The following TAF11 variants were observed in gnomAD, a reference collection of about 807,000 sequenced individuals.
TAF11 encodes transcription initiation factor TFIID subunit 11.
In TAF11, 10 loss-of-function variants were observed where a neutral mutation model predicts 23.0. That is an observed-to-expected ratio of 0.43 (90% CI 0.27 to 0.74). The LOEUF (loss-of-function observed/expected upper bound fraction) is 0.74, where lower values mean the gene tolerates loss of function less well. Among genes scored for constraint, TAF11 ranks in the 30% least tolerant of loss-of-function variants. TAF11 has a pLI of 0.19. For missense variants in TAF11, 196 were observed against 261.7 expected, an observed-to-expected ratio of 0.75 and a Z score of 1.73; for synonymous variants, 85 against 95.8, an observed-to-expected ratio of 0.89 and a Z score of 0.66.
Position 34,877,527 on chromosome 6 carries a change from AT to A in TAF11, c.*1062del, listed in dbSNP as rs1766326174. The A allele has an allele frequency of 6.6e-6, 1 of 152,450 alleles. No homozygotes were observed. Among genetic ancestry groups the A allele is most frequent in the Non-Finnish European group, 1.5e-5 (1 of 68,020 alleles). The allele number at this position is 152,450 out of a possible 1,614,324, so 9.4% of individuals were successfully genotyped here. On this transcript the variant is annotated 3_prime_UTR_variant, in exon 5 of 5. Coordinates refer to ENST00000361288, the MANE Select transcript of TAF11 (RefSeq NM_005643.4). ...TATTAAACCATAATGATTGTTGTAT[AT>A]CCGTTGATAAGAATCTGAAATATAT...
At chr6:34,882,061 C>T (rs1039379633) in intron 2 of TAF11, among the ~76,000 whole-genome samples, 3 of 151,456 alleles carry the variant, frequency 2.0e-5, no homozygotes, top group African/African-American at 7.3e-5. Flanking sequence ...TGTTTTTGGC[C>T]AGGCACAGTG....
chr6:34,885,130 C>G (rs1259025774), intron 1 of TAF11, among the ~76,000 whole-genome samples: 1 of 150,592 alleles, frequency 6.6e-6, no homozygotes, highest in Non-Finnish European at 1.5e-5. Context: ...CAGACTCGCT[C>G]TGTTGCCCAG....
At chr6:34,885,202 G>C (rs1301628838) in intron 1 of TAF11, among the ~76,000 whole-genome samples, 1 of 151,970 alleles carries the variant, frequency 6.6e-6, no homozygotes, top group Non-Finnish European at 1.5e-5. Flanking sequence ...CAGGTAGCTA[G>C]ATCTGCAGGC....
intron 2 of TAF11, 48 bp downstream of exon 2, chr6:34,882,884 T>C: frequency 6.6e-7 from 1 of 1,522,072 alleles, no homozygotes. Flanking sequence ...TAAATTTGTG[T>C]GGTCAAGTGA....
intron 4 of TAF11, 80 bp from the exon 5 acceptor site, chr6:34,878,800 T>A: frequency 7.8e-7 from 1 of 1,277,200 alleles, no homozygotes; most frequent in Non-Finnish European, 1.1e-6. Flanking sequence ...CCTGTAATTC[T>A]TGTTAACTTT....
At chr6:34,882,773 G>A (rs528262559) in intron 2 of TAF11, among the ~76,000 whole-genome samples, 159 bp downstream of exon 2, 2 of 152,202 alleles carry the variant, frequency 1.3e-5, no homozygotes, top group African/African-American at 4.8e-5. Context: ...CTAAAGTGTT[G>A]GGATTACAGG....
rs115434816 is a variant in TAF11 at position 34,883,578 on chromosome 6, G to A, written c.172-498C>T. 3.5e-3 allele frequency among the ~76,000 whole-genome samples: 533 copies of A among 152,304 alleles called. 3 individuals are homozygous for A. The highest frequency in any genetic ancestry group is 7.3e-3 in the African/African-American group (303 of 41,564). On this transcript the variant is annotated intron_variant, in intron 1 of 4. Transcript: ENST00000361288. The stretch of plus-strand genomic sequence containing the variant: ...GGACTTTCAAGTGAGCTTCTCACAC[G>A]TAGTGCTCTTTTGTTCTTATTCTTC...
chr6:34,880,444 A>T lies in TAF11; in HGVS notation c.321-68T>A. 6.7e-7 allele frequency: 1 copy of T among 1,498,592 alleles called. No individual in the cohort carries two copies. Among genetic ancestry groups the T allele is most frequent in the Non-Finnish European group, 9.2e-7 (1 of 1,086,674 alleles). 92.8% of individuals were successfully genotyped at this position (1,498,592 alleles called of 1,614,324 possible). On this transcript the variant is annotated intron_variant, in intron 2 of 4. Transcript: ENST00000361288. The surrounding 1 kb of genome is among the most constrained non-coding windows in gnomAD (Gnocchi z 4.8). ...ATACTCAAGATATTATGAAGTCAAT[A>T]AAAGTTTCAGACAATTCAAAAACGA...
intron 1 of TAF11, 128 bp from the exon 2 acceptor site, chr6:34,883,208 T>C: frequency 3.4e-6 from 3 of 877,566 alleles, no homozygotes; most frequent in Non-Finnish European, 5.2e-6. Flanking sequence ...TTCTAGGCAC[T>C]GACTGTACCA....
chr6:34,879,511 T>C (rs1368753052), intron 4 of TAF11: 24 of 867,874 alleles, frequency 2.8e-5, no homozygotes, highest in Non-Finnish European at 3.0e-5. Context: ...TATCTCCTGC[T>C]CAAAAAAAAA....
At position 34,885,949 on chromosome 6, in the gene TAF11, G is replaced by A. The variant is rs544404953; in HGVS notation, c.171+1838C>T. 8.5e-5 allele frequency among the ~76,000 whole-genome samples: 13 copies of A among 152,264 alleles called. No individual in the cohort carries two copies. In the South Asian group the frequency reaches 2.7e-3, roughly 32 times the overall value. ...AGGCTGGGCAACTTGTGAAACTTGT[G>A]AAACCTCAGCTCTACTAAAAATACA... On this transcript the variant is annotated intron_variant, in intron 1 of 4. Coordinates refer to ENST00000361288, the MANE Select transcript of TAF11 (RefSeq NM_005643.4).
intron 2 of TAF11, among the ~76,000 whole-genome samples, chr6:34,881,167 T>C (rs1039779566): frequency 2.6e-5 from 4 of 152,192 alleles, no homozygotes; most frequent in South Asian, 2.1e-4. Flanking sequence ...CCAAAGATCC[T>C]CATCATAATG....
chr6:34,879,702 G>A (rs1001304935), intron 4 of TAF11: 1 of 985,208 alleles, frequency 1.0e-6, no homozygotes, highest in African/African-American at 1.7e-5. Context: ...AAAGTCCACT[G>A]CAGAAAATAC....
intron 4 of TAF11, 112 bp downstream of exon 4, chr6:34,879,855 C>G: frequency 2.0e-6 from 3 of 1,470,410 alleles, no homozygotes; most frequent in Non-Finnish European, 2.7e-6. Context: ...TGGTCAACTT[C>G]AAGTGCAAAT....
At chr6:34,879,852 C>T in intron 4 of TAF11, 115 bp downstream of exon 4, 1 of 1,466,270 alleles carries the variant, frequency 6.8e-7, no homozygotes, top group Non-Finnish European at 9.0e-7. Context: ...ACTTGGTCAA[C>T]TTCAAGTGCA....
chr6:34,885,794 A>G (rs924487250), intron 1 of TAF11, among the ~76,000 whole-genome samples: 2 of 151,816 alleles, frequency 1.3e-5, no homozygotes, highest in African/African-American at 4.8e-5. Flanking sequence ...GGGCAACATA[A>G]TAAGACCTTG....
intron 1 of TAF11, among the ~76,000 whole-genome samples, chr6:34,885,102 T>C (rs4646923): frequency 0.099 from 12,122 of 122,738 alleles, 670 homozygotes; most frequent in East Asian, 0.37. Context: ...TTTTGTTCTT[T>C]ATCTTTTTTT....
At chr6:34,887,400 T>C (rs1402536324) in intron 1 of TAF11, among the ~76,000 whole-genome samples, 1 of 152,150 alleles carries the variant, frequency 6.6e-6, no homozygotes, top group Admixed American at 6.5e-5. Context: ...AGACAAAAGT[T>C]GTCTTAACAT....
At chr6:34,879,350 C>A (rs868187139) in intron 4 of TAF11, 1 of 957,062 alleles carries the variant, frequency 1.0e-6, no homozygotes, top group Admixed American at 6.2e-5. Context: ...ACCACTGTTA[C>A]CATCTCATTT....
Sources: allele counts gnomAD v4.1 joint callset (sites outside exome capture counted in the v4.1 genomes callset), GRCh38; gene constraint gnomAD v4.1.1; non-coding constraint Gnocchi (gnomAD v3.1); transcripts MANE v1.5; gene names NCBI Gene and HGNC (gene_info 2026-07-23, HGNC 2026-07-21).